MDGA2: variants seen among roughly 807,000 people sequenced by gnomAD.
MDGA2 encodes MAM domain-containing glycosylphosphatidylinositol anchor protein 2.
A neutral mutation model predicts 117.8 loss-of-function variants in MDGA2; 40 were observed. That is an observed-to-expected ratio of 0.34 (90% CI 0.26 to 0.44). The LOEUF is 0.44. Ranked by LOEUF, MDGA2 falls within the 20% of genes least tolerant of loss-of-function variation. The pLI is 1.00. For missense variants in MDGA2, 1,123 were observed against 1,250.6 expected (o/e 0.90, Z 1.54); for synonymous variants, 452 against 439.0 (o/e 1.03, Z -0.37).
chr14:47,177,630 T>C (rs1442715995), intron 3 of MDGA2, among the ~76,000 whole-genome samples: 2 of 152,048 alleles, frequency 1.3e-5, no homozygotes, highest in Non-Finnish European at 2.9e-5. Context: ...AAGGGGAACA[T>C]CACACTCTGG....
At chr14:47,400,006 CT>C (rs1221552203) in intron 1 of MDGA2, among the ~76,000 whole-genome samples, 1 of 152,108 alleles carries the variant, frequency 6.6e-6, no homozygotes, top group Admixed American at 6.5e-5. Context: ...ATTTACTTCC[CT>C]TTTTCCCCTG....
chr14:47,181,859 C>A (rs1884721108), intron 3 of MDGA2, among the ~76,000 whole-genome samples: 1 of 152,100 alleles, frequency 6.6e-6, no homozygotes, highest in South Asian at 2.1e-4. Flanking sequence ...GTCCTAAACA[C>A]AATTTTTCCA....
chr14:47,648,820 T>C (rs1897585247), intron 1 of MDGA2, among the ~76,000 whole-genome samples: 1 of 152,192 alleles, frequency 6.6e-6, no homozygotes, highest in African/African-American at 2.4e-5. Flanking sequence ...CACTTAACTT[T>C]GGAATTTCTT....
intron 3 of MDGA2, among the ~76,000 whole-genome samples, chr14:47,211,981 A>C (rs1439923040): frequency 1.3e-5 from 2 of 152,216 alleles, no homozygotes; most frequent in Non-Finnish European, 2.9e-5. Flanking sequence ...AAATTATTTA[A>C]TAAGTTCCTT....
intron 1 of MDGA2, among the ~76,000 whole-genome samples, chr14:47,301,926 T>C (rs932625151): frequency 6.6e-6 from 1 of 152,006 alleles, no homozygotes; most frequent in Non-Finnish European, 1.5e-5. Flanking sequence ...AAGAAGACAA[T>C]TGGAGGAGAA....
chr14:47,674,127 G>A (rs959073391), intron 1 of MDGA2, among the ~76,000 whole-genome samples: 5 of 151,280 alleles, frequency 3.3e-5, no homozygotes, highest in African/African-American at 9.7e-5. Context: ...GGAGACTCAC[G>A]GGGTCACACT....
chr14:47,151,501 T>C (rs1005312884), intron 3 of MDGA2, among the ~76,000 whole-genome samples: 11 of 152,198 alleles, frequency 7.2e-5, no homozygotes, highest in South Asian at 4.1e-4. Context: ...TATGTCTCTA[T>C]GTTTATTCAA....
chr14:47,018,101 C>T (rs1404602528), intron 8 of MDGA2, among the ~76,000 whole-genome samples: 1 of 151,866 alleles, frequency 6.6e-6, no homozygotes, highest in African/African-American at 2.4e-5. Flanking sequence ...CAAATTGACC[C>T]TATGTTGTGG....
At chr14:46,906,461 CTG>C (rs1254974544) in intron 10 of MDGA2, among the ~76,000 whole-genome samples, 1 of 152,008 alleles carries the variant, frequency 6.6e-6, no homozygotes, top group Non-Finnish European at 1.5e-5. Flanking sequence ...GATAGAAACA[CTG>C]AGCCTTGTCA....
At chr14:47,531,405 T>C (rs1895098437) in intron 1 of MDGA2, among the ~76,000 whole-genome samples, 1 of 152,212 alleles carries the variant, frequency 6.6e-6, no homozygotes, top group African/African-American at 2.4e-5. Context: ...GTATGTGTTT[T>C]ATGGTCCTTC....
chr14:47,359,681 G>T (rs144670259), intron 1 of MDGA2, among the ~76,000 whole-genome samples: 95 of 148,908 alleles, frequency 6.4e-4, no homozygotes, highest in African/African-American at 2.2e-3. Flanking sequence ...AACCTGAGAG[G>T]TGGAGGTTGC....
chr14:47,432,864 A>T (rs1436550724), intron 1 of MDGA2, among the ~76,000 whole-genome samples: 2 of 152,072 alleles, frequency 1.3e-5, no homozygotes, highest in Non-Finnish European at 2.9e-5. Context: ...TAGAGTTTTG[A>T]AGAAGAATAA....
At chr14:47,254,631 G>A (rs1887557869) in intron 2 of MDGA2, among the ~76,000 whole-genome samples, 1 of 152,028 alleles carries the variant, frequency 6.6e-6, no homozygotes, top group Non-Finnish European at 1.5e-5. Flanking sequence ...AAGTTTCTAG[G>A]AAGTTCCAAT....
At chr14:47,198,185 A>C (rs1179156028) in intron 3 of MDGA2, among the ~76,000 whole-genome samples, 1 of 152,222 alleles carries the variant, frequency 6.6e-6, no homozygotes, top group African/African-American at 2.4e-5. Flanking sequence ...AGTCAAAACA[A>C]ACTGGTCAAA....
chr14:47,379,723 A>G (rs1203201370), intron 1 of MDGA2, among the ~76,000 whole-genome samples: 2 of 152,216 alleles, frequency 1.3e-5, no homozygotes, highest in African/African-American at 2.4e-5. Flanking sequence ...TTCATAAAGC[A>G]GGTCCTTAGA....
chr14:46,846,026 C>T (rs924924649), intron 15 of MDGA2, among the ~76,000 whole-genome samples, 155 bp from the exon 16 acceptor site: 32 of 152,100 alleles, frequency 2.1e-4, no homozygotes, highest in African/African-American at 7.0e-4. Flanking sequence ...AAAACATAAA[C>T]TTTCATCCCA....
At chr14:47,637,815 T>C (rs940132931) in intron 1 of MDGA2, among the ~76,000 whole-genome samples, 2 of 152,262 alleles carry the variant, frequency 1.3e-5, no homozygotes, top group African/African-American at 4.8e-5. Flanking sequence ...CTCATTTCAT[T>C]GTTCTTCTTG....
chr14:47,211,466 A>G (rs1185158703), intron 3 of MDGA2, among the ~76,000 whole-genome samples: 2 of 152,182 alleles, frequency 1.3e-5, no homozygotes, highest in Non-Finnish European at 2.9e-5. Context: ...TGGGCAGCCC[A>G]GGTGAATGCC....
Position 47,344,620 on chromosome 14 carries a change from AT to A in MDGA2, c.281-43071del, listed in dbSNP as rs534509213. The stretch of plus-strand genomic sequence containing the variant: ...TTTGTTTGTTTGTTTTGATTTTGGT[AT>A]ACTGGTCCCTTGGCTCCATGAGAGA... On this transcript the variant is annotated intron_variant, in intron 1 of 16. Coordinates refer to ENST00000399232, the MANE Select transcript of MDGA2 (RefSeq NM_001113498.3). 2.1e-4 allele frequency among the ~76,000 whole-genome samples: 32 copies of A among 152,202 alleles called. No individual in the cohort carries two copies. In the South Asian group the frequency reaches 6.2e-3, roughly 30 times the overall value.
Sources: allele counts gnomAD v4.1 joint callset (sites outside exome capture counted in the v4.1 genomes callset), GRCh38; gene constraint gnomAD v4.1.1; transcripts MANE v1.5; gene names NCBI Gene and HGNC (gene_info 2026-07-23, HGNC 2026-07-21).